MACROD2: variants seen among roughly 807,000 people sequenced by gnomAD.
The protein encoded by MACROD2 is mono-ADP ribosylhydrolase 2.
Under a neutral mutation model 70.4 loss-of-function variants are expected in MACROD2, and 36 were observed. That is an observed-to-expected ratio of 0.51 (90% CI 0.39 to 0.68). MACROD2 has a LOEUF of 0.68. MACROD2 is among the 30% of genes least tolerant of loss of function. The pLI is 0.00. For missense variants in MACROD2, 496 were observed against 538.4 expected (o/e 0.92, Z 0.78); for synonymous variants, 172 against 178.8 (o/e 0.96, Z 0.30).
At chr20:14,694,528 C>T (rs1048283722) in intron 5 of MACROD2, among the ~76,000 whole-genome samples, 1 of 152,092 alleles carries the variant, frequency 6.6e-6, no homozygotes, top group Non-Finnish European at 1.5e-5. Flanking sequence ...AGATGATGAA[C>T]ATGAATGTAT....
chr20:14,553,459 C>A (rs1978808595), intron 4 of MACROD2, among the ~76,000 whole-genome samples: 1 of 146,908 alleles, frequency 6.8e-6, no homozygotes, highest in South Asian at 2.1e-4. Flanking sequence ...TCTGAAACAG[C>A]AATCAATAGT....
chr20:14,270,551 A>G (rs920689053), intron 3 of MACROD2, among the ~76,000 whole-genome samples: 2 of 150,258 alleles, frequency 1.3e-5, no homozygotes, highest in African/African-American at 4.9e-5. Context: ...ATCGTGCCAC[A>G]GCACTCCAGC....
intron 5 of MACROD2, among the ~76,000 whole-genome samples, chr20:15,195,185 G>A (rs2076597275): frequency 6.6e-6 from 1 of 152,110 alleles, no homozygotes; most frequent in Non-Finnish European, 1.5e-5. Flanking sequence ...CAAAGATTTT[G>A]TGGCAAAAAC....
At chr20:14,151,667 A>G (rs1377248288) in intron 3 of MACROD2, among the ~76,000 whole-genome samples, 1 of 152,182 alleles carries the variant, frequency 6.6e-6, no homozygotes, top group African/African-American at 2.4e-5. Flanking sequence ...AAAGAAAAAC[A>G]AAAACATGGT....
intron 4 of MACROD2, among the ~76,000 whole-genome samples, chr20:14,504,068 A>ATC (rs1326849501): frequency 6.6e-6 from 1 of 152,306 alleles, no homozygotes; most frequent in African/African-American, 2.4e-5. Flanking sequence ...TTAGGTAACT[A>ATC]TCTCTCTTTC....
intron 4 of MACROD2, among the ~76,000 whole-genome samples, chr20:14,497,926 A>G (rs896513946): frequency 1.3e-5 from 2 of 151,718 alleles, no homozygotes; most frequent in African/African-American, 2.4e-5. Flanking sequence ...CATTTGTCCA[A>G]CGCGAGAACA....
At chr20:14,411,752 C>G (rs1158251743) in intron 3 of MACROD2, among the ~76,000 whole-genome samples, 1 of 152,094 alleles carries the variant, frequency 6.6e-6, no homozygotes, top group East Asian at 1.9e-4. Flanking sequence ...CCCCTACCAG[C>G]ACCTCCCTGT....
intron 3 of MACROD2, among the ~76,000 whole-genome samples, chr20:14,401,310 A>G (rs1478067936): frequency 6.6e-6 from 1 of 152,180 alleles, no homozygotes. Flanking sequence ...CTTTGGGTAT[A>G]TACCCAATAA....
At chr20:14,896,975 T>A (rs539449771) in intron 5 of MACROD2, among the ~76,000 whole-genome samples, 5 of 152,298 alleles carry the variant, frequency 3.3e-5, no homozygotes, top group African/African-American at 1.2e-4. Flanking sequence ...AGCTTGAGTT[T>A]ATATTATAGA....
chr20:15,987,121 A>C lies in MACROD2; in HGVS notation c.1116A>C (p.Pro372=). The C allele has an allele frequency of 6.2e-7, 1 of 1,612,458 alleles. No individual in the cohort carries two copies. The highest frequency in any genetic ancestry group is 2.2e-5 in the East Asian group (1 of 44,848). Residue 372 remains proline (P), a synonymous_variant, in exon 15 of 18, where the codon CCA becomes CCC. Transcript: ENST00000684519. ...AVIVEQPEVI[P]LTEDQEEKEG... ...TTGTGGAGCAACCAGAAGTGATTCC[A>C]TTAACAGAGGACCAAGAAGAAAAAG...
In MACROD2 at chr20:15,854,297, G is replaced by T. The variant is rs114965852; in HGVS notation, c.646-8448G>T. Among the ~76,000 whole-genome samples, 317 of 152,242 alleles carry T rather than the reference G, an allele frequency of 2.1e-3. 1 individual carries two copies. The highest frequency in any genetic ancestry group is 7.4e-3 in the African/African-American group (308 of 41,536). On this transcript the variant is annotated intron_variant, in intron 8 of 17. Coordinates refer to ENST00000684519, the MANE Select transcript of MACROD2 (RefSeq NM_001351661.2). ...CTTGCTGGCGTGGAAGAAAAAGAGC[G>T]CTCGTGTCCTGAACTGCTTTGGGGA... is the stretch of plus-strand genomic sequence containing the variant.
intron 5 of MACROD2, among the ~76,000 whole-genome samples, chr20:14,754,308 C>T (rs1221066143): frequency 1.3e-5 from 2 of 152,068 alleles, no homozygotes; most frequent in African/African-American, 4.8e-5. Flanking sequence ...ACAGATCTAT[C>T]ATGTCCTGAG....
chr20:16,022,971 A>G (rs952525782), intron 15 of MACROD2, among the ~76,000 whole-genome samples: 2 of 152,222 alleles, frequency 1.3e-5, no homozygotes, highest in African/African-American at 4.8e-5. Flanking sequence ...AGAAGAGCTA[A>G]TGACTCATTT....
intron 5 of MACROD2, among the ~76,000 whole-genome samples, chr20:14,841,365 A>C (rs1204506056): frequency 6.6e-6 from 1 of 152,142 alleles, no homozygotes. Flanking sequence ...TCTAATAGAA[A>C]CTTTCCACTG....
intron 3 of MACROD2, among the ~76,000 whole-genome samples, chr20:14,262,596 AAGT>A (rs2082109918): frequency 6.6e-6 from 1 of 152,196 alleles, no homozygotes; most frequent in Non-Finnish European, 1.5e-5. Flanking sequence ...TGGAAAGAGC[AAGT>A]AGTTCTAGAA....
chr20:14,079,077 A>G (rs1347559152), intron 2 of MACROD2, among the ~76,000 whole-genome samples: 1 of 152,226 alleles, frequency 6.6e-6, no homozygotes, highest in Non-Finnish European at 1.5e-5. Flanking sequence ...TTTATAATGA[A>G]CAGATGTTTA....
intron 2 of MACROD2, among the ~76,000 whole-genome samples, chr20:14,009,324 A>G (rs1273355715): frequency 1.3e-5 from 2 of 152,246 alleles, no homozygotes; most frequent in Non-Finnish European, 2.9e-5. Flanking sequence ...TTCTCAAAAG[A>G]AGACATACAT....
chr20:15,038,674 C>T (rs1010177781), intron 5 of MACROD2, among the ~76,000 whole-genome samples: 4 of 152,116 alleles, frequency 2.6e-5, no homozygotes, highest in African/African-American at 7.2e-5. Flanking sequence ...TAAGGGGTGA[C>T]GTTCAATGTG....
chr20:14,030,315 G>C (rs1055576892), intron 2 of MACROD2, among the ~76,000 whole-genome samples: 3 of 152,064 alleles, frequency 2.0e-5, no homozygotes, highest in African/African-American at 4.8e-5. Context: ...TGGGGTTATA[G>C]GCATGAGTTA....
Sources: allele counts gnomAD v4.1 joint callset (sites outside exome capture counted in the v4.1 genomes callset), GRCh38; gene constraint gnomAD v4.1.1; transcripts MANE v1.5; gene names NCBI Gene and HGNC (gene_info 2026-07-23, HGNC 2026-07-21).